Variants in RSRC1 observed in about 807,000 individuals in gnomAD.
RSRC1 encodes arginine and serine rich coiled-coil 1.
In RSRC1, 39 loss-of-function variants were observed where a neutral mutation model predicts 49.1. That is an observed-to-expected ratio of 0.79 (90% CI 0.61 to 1.04). The LOEUF is 1.04. RSRC1 is among the 50% of genes least tolerant of loss of function. The pLI is 0.00. For missense variants in RSRC1, 388 were observed against 402.4 expected (o/e 0.96, Z 0.31); for synonymous variants, 143 against 130.8 (o/e 1.09, Z -0.63).
At chr3:158,467,361 G>T (rs1276241521) in intron 7 of RSRC1, among the ~76,000 whole-genome samples, 1 of 152,122 alleles carries the variant, frequency 6.6e-6, no homozygotes, top group African/African-American at 2.4e-5. Flanking sequence ...AAGGGTTATT[G>T]TTTTCACATC....
intron 1 of RSRC1, among the ~76,000 whole-genome samples, chr3:158,120,074 C>A (rs1347273355): frequency 1.3e-5 from 2 of 152,110 alleles, no homozygotes; most frequent in Non-Finnish European, 2.9e-5. Flanking sequence ...CAGGATCCGC[C>A]CGCCTCGGCC....
At chr3:158,364,938 A>G (rs1356647240) in intron 6 of RSRC1, among the ~76,000 whole-genome samples, 16 of 151,608 alleles carry the variant, frequency 1.1e-4, no homozygotes, top group Admixed American at 1.1e-3. Context: ...TGTACCTTAT[A>G]GAGATTTATA....
intron 6 of RSRC1, among the ~76,000 whole-genome samples, chr3:158,355,814 C>T (rs940087134): frequency 2.6e-5 from 4 of 151,868 alleles, no homozygotes; most frequent in Admixed American, 1.3e-4. Context: ...TTCCAAGCGT[C>T]CAGTTGGTGT....
At chr3:158,501,901 G>A (rs1017830649) in intron 7 of RSRC1, among the ~76,000 whole-genome samples, 19 of 152,074 alleles carry the variant, frequency 1.2e-4, no homozygotes, top group Non-Finnish European at 2.8e-4. Context: ...GCTATTTGCT[G>A]CCTGTGTATT....
At chr3:158,236,963 T>A (rs1475824132) in intron 4 of RSRC1, among the ~76,000 whole-genome samples, 1 of 152,172 alleles carries the variant, frequency 6.6e-6, no homozygotes, top group African/African-American at 2.4e-5. Context: ...TTGCAGCAGG[T>A]TTCAGAAGCC....
chr3:158,315,431 A>G (rs971592649), intron 5 of RSRC1, among the ~76,000 whole-genome samples: 2 of 152,154 alleles, frequency 1.3e-5, no homozygotes, highest in African/African-American at 4.8e-5. Context: ...TCTTATCTCC[A>G]TTTTACAGAT....
intron 5 of RSRC1, among the ~76,000 whole-genome samples, chr3:158,319,352 G>T (rs1728632018): frequency 6.6e-6 from 1 of 152,096 alleles, no homozygotes; most frequent in African/African-American, 2.4e-5. Context: ...TTCACCTTTT[G>T]CTATGATTGT....
chr3:158,530,292 C>T (rs1337201411), intron 7 of RSRC1, among the ~76,000 whole-genome samples: 2 of 151,850 alleles, frequency 1.3e-5, no homozygotes, highest in Non-Finnish European at 2.9e-5. Context: ...GCTTCCCTAT[C>T]GCTGTGTGGA....
intron 6 of RSRC1, among the ~76,000 whole-genome samples, chr3:158,374,010 G>A (rs752413728): frequency 3.9e-5 from 6 of 151,976 alleles, no homozygotes; most frequent in Non-Finnish European, 5.9e-5. Context: ...AATAATGGGC[G>A]ATATGTCCCT....
At chr3:158,238,156 A>C (rs987997069) in intron 4 of RSRC1, among the ~76,000 whole-genome samples, 2 of 152,214 alleles carry the variant, frequency 1.3e-5, no homozygotes, top group African/African-American at 4.8e-5. Flanking sequence ...AATCCAACTT[A>C]CAAGGGATGT....
At chr3:158,171,627 G>A (rs1718886403) in intron 3 of RSRC1, among the ~76,000 whole-genome samples, 1 of 152,062 alleles carries the variant, frequency 6.6e-6, no homozygotes, top group Non-Finnish European at 1.5e-5. Flanking sequence ...GTATCACACT[G>A]GAGATGACAA....
intron 4 of RSRC1, among the ~76,000 whole-genome samples, chr3:158,289,355 C>G (rs1726775738): frequency 6.6e-6 from 1 of 152,122 alleles, no homozygotes; most frequent in South Asian, 2.1e-4. Flanking sequence ...TTGGAATAAG[C>G]CAAGTGTGTA....
chr3:158,117,048 A>G (rs1418326610), intron 1 of RSRC1, among the ~76,000 whole-genome samples: 1 of 152,158 alleles, frequency 6.6e-6, no homozygotes, highest in African/African-American at 2.4e-5. Context: ...CTAATCTCGT[A>G]GCAGAACAGT....
chr3:158,255,980 C>G (rs534060053), intron 4 of RSRC1, among the ~76,000 whole-genome samples: 70 of 152,272 alleles, frequency 4.6e-4, no homozygotes, highest in Middle Eastern at 3.4e-3. Flanking sequence ...ATGGGGATTT[C>G]TAAGTGTACA....
At chr3:158,334,820 ACT>A (rs1182344415) in intron 5 of RSRC1, among the ~76,000 whole-genome samples, 1 of 152,070 alleles carries the variant, frequency 6.6e-6, no homozygotes, top group African/African-American at 2.4e-5. Context: ...GCACCCAGCC[ACT>A]CAAAGGGGAA....
At chr3:158,525,583 T>A (rs151113161) in intron 7 of RSRC1, among the ~76,000 whole-genome samples, 1 of 152,060 alleles carries the variant, frequency 6.6e-6, no homozygotes, top group African/African-American at 2.4e-5. Flanking sequence ...AATAAAAACA[T>A]GTTCACACAA....
chr3:158,184,430 G>C (rs1719812289), intron 3 of RSRC1, among the ~76,000 whole-genome samples: 2 of 152,150 alleles, frequency 1.3e-5, no homozygotes, highest in Admixed American at 1.3e-4. Context: ...AATACAGGGT[G>C]TACCTGAGTT....
intron 3 of RSRC1, among the ~76,000 whole-genome samples, chr3:158,139,394 A>G (rs1716599844): frequency 6.6e-6 from 1 of 151,784 alleles, no homozygotes. Flanking sequence ...CAACAGAGCA[A>G]GACTTAGTCT....
At chr3:158,363,410 C>T (rs185940807) in intron 6 of RSRC1, among the ~76,000 whole-genome samples, 221 of 151,972 alleles carry the variant, frequency 1.5e-3, no homozygotes, top group Non-Finnish European at 2.4e-3. Flanking sequence ...ATCACAGGTG[C>T]GCACCACCAC....
Sources: allele counts gnomAD v4.1 joint callset (sites outside exome capture counted in the v4.1 genomes callset), GRCh38; gene constraint gnomAD v4.1.1; transcripts MANE v1.5; gene names NCBI Gene and HGNC (gene_info 2026-07-23, HGNC 2026-07-21).